The following COMMD1 variants were observed in gnomAD, a reference collection of about 807,000 sequenced individuals.
COMMD1 encodes COMM domain-containing protein 1.
Under a neutral mutation model 17.2 loss-of-function variants are expected in COMMD1, and 10 were observed. That is an observed-to-expected ratio of 0.58 (90% CI 0.36 to 0.99). The LOEUF is 0.99. Ranked by LOEUF, COMMD1 falls within the 50% of genes least tolerant of loss-of-function variation. The pLI is 0.01. For missense variants in COMMD1, 270 were observed against 231.8 expected (o/e 1.17, Z -1.07); for synonymous variants, 97 against 91.6 (o/e 1.06, Z -0.34).
chr2:61,990,618 G>T (rs1288255643), intron 1 of COMMD1, among the ~76,000 whole-genome samples: 2 of 152,158 alleles, frequency 1.3e-5, no homozygotes, highest in African/African-American at 4.8e-5. Flanking sequence ...TGTGGCCGGA[G>T]AGGCCTCACA....
Position 61,984,545 on chromosome 2 carries a change from G to A in COMMD1, c.181-16156G>A, listed in dbSNP as rs74261693. On this transcript the variant is annotated intron_variant, in intron 1 of 2. Transcript: ENST00000311832. Reference sequence around the variant, plus strand: ...ATACTTAATATTATTTCAATTTTTTGAATATTTTTTAGACTTGGCTTGTAG... The same window carrying A: ...ATACTTAATATTATTTCAATTTTTTAAATATTTTTTAGACTTGGCTTGTAG... Among the ~76,000 whole-genome samples, 195 of 152,252 alleles carry A rather than the reference G, an allele frequency of 1.3e-3. 5 individuals are homozygous for A. The East Asian group carries it at 0.034, about 27-fold the overall frequency.
chr2:61,962,307 G>A (rs1425055854), intron 1 of COMMD1, among the ~76,000 whole-genome samples: 1 of 152,140 alleles, frequency 6.6e-6, no homozygotes, highest in African/African-American at 2.4e-5. Context: ...TTTGCCCCTG[G>A]TTCCTAGGAC....
At chr2:62,032,952 T>C (rs572852881) in intron 2 of COMMD1, among the ~76,000 whole-genome samples, 9 of 152,310 alleles carry the variant, frequency 5.9e-5, no homozygotes, top group Admixed American at 5.2e-4. Context: ...TGTATTTTTG[T>C]AGAGATGAGG....
chr2:61,888,479 C>T (rs762420060), upstream of COMMD1: 4 of 1,611,886 alleles, frequency 2.5e-6, no homozygotes, highest in African/African-American at 4.0e-5. Flanking sequence ...GGCAGTCGCC[C>T]CGCTCCGGGG....
intron 1 of COMMD1, among the ~76,000 whole-genome samples, chr2:61,950,007 T>C (rs1342721748): frequency 2.0e-5 from 3 of 152,182 alleles, no homozygotes; most frequent in Non-Finnish European, 2.9e-5. Context: ...ACTATGGCTA[T>C]CCCTGAGAAG....
At chr2:62,104,633 CAAAA>C (rs35679940) in intron 2 of COMMD1, among the ~76,000 whole-genome samples, 1 of 76,750 alleles carries the variant, frequency 1.3e-5, no homozygotes. Flanking sequence ...GACTCCGTCT[CAAAA>C]AAAAAAAAAA....
intron 1 of COMMD1, among the ~76,000 whole-genome samples, chr2:61,988,568 C>A (rs534054115): frequency 2.0e-5 from 3 of 152,240 alleles, no homozygotes; most frequent in Admixed American, 1.3e-4. Flanking sequence ...TGTTTTCTCT[C>A]CTCTCAAGTT....
Position 61,982,090 on chromosome 2 carries a change from C to G in COMMD1, c.181-18611C>G, listed in dbSNP as rs558631570. ...ATTGCTTTGCATAGTATAGACATTT[C>G]AACAATATTGATTCTTCCAATCCAT... On this transcript the variant is annotated intron_variant, in intron 1 of 2. Coordinates refer to ENST00000311832, the MANE Select transcript of COMMD1 (RefSeq NM_152516.4). Among the ~76,000 whole-genome samples, 151 of 152,250 alleles carry G rather than the reference C, an allele frequency of 9.9e-4. 1 individual carries two copies. Among genetic ancestry groups the G allele is most frequent in the African/African-American group, 3.6e-3 (148 of 41,542 alleles).
At chr2:62,071,881 A>C (rs1197207609) in intron 2 of COMMD1, among the ~76,000 whole-genome samples, 2 of 152,140 alleles carry the variant, frequency 1.3e-5, no homozygotes, top group African/African-American at 4.8e-5. Flanking sequence ...AGATCATAAG[A>C]CTGACCAAAC....
At chr2:61,910,659 A>G (rs192976324) in intron 1 of COMMD1, among the ~76,000 whole-genome samples, 63 of 152,294 alleles carry the variant, frequency 4.1e-4, no homozygotes, top group African/African-American at 1.3e-3. Context: ...GATATGCTCA[A>G]TTCCAGTAAA....
chr2:62,042,080 C>T (rs1335628075), intron 2 of COMMD1, among the ~76,000 whole-genome samples: 1 of 152,160 alleles, frequency 6.6e-6, no homozygotes. Context: ...TTTTACAGAG[C>T]ACCGATTGGT....
intron 1 of COMMD1, among the ~76,000 whole-genome samples, chr2:61,924,418 G>A (rs1670274822): frequency 1.4e-5 from 2 of 147,188 alleles, no homozygotes; most frequent in Non-Finnish European, 3.0e-5. Context: ...AGGTAGAGTG[G>A]AGCAGAGGCA....
At chr2:62,125,500 A>G (rs943097900) in intron 2 of COMMD1, among the ~76,000 whole-genome samples, 1 of 152,146 alleles carries the variant, frequency 6.6e-6, no homozygotes, top group Non-Finnish European at 1.5e-5. Context: ...CTCTGAACAT[A>G]GTAGATGTGG....
At chr2:62,118,943 G>A (rs1466358493) in intron 2 of COMMD1, 2 of 152,224 alleles carry the variant, frequency 1.3e-5, no homozygotes, top group East Asian at 3.8e-4. Flanking sequence ...TGCTTGATAA[G>A]CACAGGACCC....
At chr2:61,992,839 A>G (rs1672286264) in intron 1 of COMMD1, among the ~76,000 whole-genome samples, 1 of 152,216 alleles carries the variant, frequency 6.6e-6, no homozygotes, top group South Asian at 2.1e-4. Flanking sequence ...ATAGTAATAC[A>G]TGCATAATAT....
intron 2 of COMMD1, among the ~76,000 whole-genome samples, chr2:62,096,780 G>A (rs1672023413): frequency 6.6e-6 from 1 of 152,186 alleles, no homozygotes. Flanking sequence ...TTTATCTTTT[G>A]ACACTTTGTG....
At chr2:62,134,173 C>G (rs1370063562) in intron 2 of COMMD1, among the ~76,000 whole-genome samples, 3 of 152,096 alleles carry the variant, frequency 2.0e-5, no homozygotes, top group African/African-American at 7.2e-5. Context: ...ATTTTTCCAT[C>G]TGTTGAGTCT....
At chr2:62,040,503 A>G (rs1020468180) in intron 2 of COMMD1, among the ~76,000 whole-genome samples, 2 of 152,250 alleles carry the variant, frequency 1.3e-5, no homozygotes, top group African/African-American at 4.8e-5. Flanking sequence ...ACCTACTTGT[A>G]TTTTTCATGG....
intron 1 of COMMD1, among the ~76,000 whole-genome samples, chr2:61,985,916 T>G (rs1179769387): frequency 6.6e-6 from 1 of 152,176 alleles, no homozygotes; most frequent in Non-Finnish European, 1.5e-5. Flanking sequence ...CACACCCCAA[T>G]ACAGTATTAG....
Sources: gnomAD v4.1 joint callset for allele counts (sites outside exome capture counted in the v4.1 genomes callset) on GRCh38, gnomAD v4.1.1 for gene constraint, MANE v1.5 for transcripts, NCBI Gene and HGNC (gene_info 2026-07-23, HGNC 2026-07-21) for gene names.